The following ZNF717 variants were observed in gnomAD, a reference collection of about 807,000 sequenced individuals.
The protein encoded by ZNF717 is krueppel-like factor X17.
A neutral mutation model predicts 13.8 loss-of-function variants in ZNF717; 9 were observed. That is an observed-to-expected ratio of 0.65 (90% CI 0.39 to 1.14). The LOEUF (loss-of-function observed/expected upper bound fraction) is 1.14. Among genes scored for constraint, ZNF717 ranks in the 50% most tolerant of loss-of-function variants. ZNF717 has a pLI of 0.01. For synonymous variants in ZNF717, 327 were observed against 364.1 expected (o/e 0.90, Z 1.16); for missense variants, 1,040 against 1,080.7 (o/e 0.96, Z 0.53).
chr3:75,709,238 A>C (rs1659200393), downstream of ZNF717, among the ~76,000 whole-genome samples: 11 of 152,000 alleles, frequency 7.2e-5, no homozygotes, highest in Non-Finnish European at 2.9e-5. Flanking sequence ...GATCTCTAGT[A>C]TTCTGCCCAA....
chr3:75,763,827 G>A (rs1233244777), intron 2 of ZNF717, among the ~76,000 whole-genome samples: 7 of 152,252 alleles, frequency 4.6e-5, no homozygotes, highest in Middle Eastern at 6.3e-3. Flanking sequence ...GAAGATCAGA[G>A]TTTCCTAAAG....
chr3:75,726,365 G>C (rs1391379277), downstream of ZNF717, among the ~76,000 whole-genome samples: 9 of 152,266 alleles, frequency 5.9e-5, no homozygotes, highest in Admixed American at 2.0e-4. Flanking sequence ...GCTCATGCCT[G>C]TAATTCCAGC....
intron 5 of ZNF717, among the ~76,000 whole-genome samples, chr3:75,715,246 T>G (rs1383080500): frequency 6.6e-6 from 1 of 152,170 alleles, no homozygotes; most frequent in African/African-American, 2.4e-5. Flanking sequence ...CTCAATAAAT[T>G]GTATAAGAAA....
chr3:75,754,548 T>TA (rs376041793), intron 2 of ZNF717, among the ~76,000 whole-genome samples: 26 of 88,608 alleles, frequency 2.9e-4, no homozygotes, highest in Non-Finnish European at 5.9e-4. Flanking sequence ...AATTTAGTGA[T>TA]AAAAAATGTG....
chr3:75,765,880 G>A (rs889597977), intron 2 of ZNF717, among the ~76,000 whole-genome samples: 1 of 152,194 alleles, frequency 6.6e-6, no homozygotes. Flanking sequence ...AGGCCAAGGT[G>A]CGTAGATTGC....
chr3:75,740,723 T>TG (rs1157649807), intron 4 of ZNF717, among the ~76,000 whole-genome samples: 38 of 152,144 alleles, frequency 2.5e-4, no homozygotes, highest in Admixed American at 2.4e-3. Context: ...CCTAGCTACT[T>TG]GGGAGGCTAG....
At chr3:75,702,489 CAG>C (rs1475625607) in intron 6 of ZNF717, among the ~76,000 whole-genome samples, 6 of 33,682 alleles carry the variant, frequency 1.8e-4, no homozygotes, top group South Asian at 1.2e-3. Context: ...AGTGACGGAA[CAG>C]GGGGATAGTG....
chr3:75,768,307 G>A (rs968710303), intron 2 of ZNF717, among the ~76,000 whole-genome samples: 1 of 126,992 alleles, frequency 7.9e-6, no homozygotes, highest in Admixed American at 7.8e-5. Context: ...AGTGTGTCGG[G>A]GGGCAGATGA....
At chr3:75,735,635 TAAAAAA>T (rs149366090), downstream of ZNF717, among the ~76,000 whole-genome samples, 2 of 79,842 alleles carry the variant, frequency 2.5e-5, no homozygotes, top group Non-Finnish European at 4.5e-5. Context: ...ACTGTCTCAA[TAAAAAA>T]AAAAAAAAAA....
In ZNF717 at chr3:75,782,884, A is replaced by G. The variant is rs76420889; in HGVS notation, c.57+422T>C. Among the ~76,000 whole-genome samples the G allele has an allele frequency of 2.0e-5, 3 of 150,130 alleles. No individual in the cohort carries two copies. In the South Asian group the frequency reaches 6.4e-4, roughly 32 times the overall value. On this transcript the variant is annotated intron_variant, in intron 2 of 4. Coordinates refer to ENST00000652011, the MANE Select transcript of ZNF717 (RefSeq NM_001290208.3). ...ACTGCACAACATGCCGTGCTTTAGCAGAAGATGACCGTTTCCACTGCACAA... is the reference window on the plus strand; with the variant it reads ...ACTGCACAACATGCCGTGCTTTAGCGGAAGATGACCGTTTCCACTGCACAA...
chr3:75,716,758 T>G (rs1414359055), intron 4 of ZNF717, among the ~76,000 whole-genome samples: 1 of 152,202 alleles, frequency 6.6e-6, no homozygotes, highest in Non-Finnish European at 1.5e-5. Context: ...AGAACATCTG[T>G]GGGCTTTTGG....
chr3:75,770,575 T>A (rs530518274), intron 2 of ZNF717, among the ~76,000 whole-genome samples: 4 of 151,646 alleles, frequency 2.6e-5, no homozygotes, highest in South Asian at 2.1e-4. Context: ...GAAAAAAAAA[T>A]TGAAAATAAA....
chr3:75,696,971 T>C, intron 6 of ZNF717, among the ~76,000 whole-genome samples: 1 of 152,188 alleles, frequency 6.6e-6, no homozygotes, highest in African/African-American at 2.4e-5. Context: ...TTTGATAAAA[T>C]TTAATATTCT....
At chr3:75,781,476 C>A (rs1944816227) in intron 2 of ZNF717, among the ~76,000 whole-genome samples, 1 of 152,148 alleles carries the variant, frequency 6.6e-6, no homozygotes, top group African/African-American at 2.4e-5. Flanking sequence ...TTTAACAGAA[C>A]TAACACAGAA....
chr3:75,725,153 AC>A (rs1393344377), downstream of ZNF717, among the ~76,000 whole-genome samples: 1 of 151,424 alleles, frequency 6.6e-6, no homozygotes, highest in Non-Finnish European at 1.5e-5. Context: ...ACTCAGTGAA[AC>A]CCTCACTCTC....
intron 4 of ZNF717, 84 bp downstream of exon 4, chr3:75,741,192 A>G (rs1334196602): frequency 8.2e-5 from 67 of 812,644 alleles, no homozygotes; most frequent in Non-Finnish European, 1.3e-4. Flanking sequence ...CCTAGGGAAA[A>G]AAGTGGTGAA....
At chr3:75,740,108 T>A (rs1170460367) in intron 4 of ZNF717, among the ~76,000 whole-genome samples, 3 of 152,082 alleles carry the variant, frequency 2.0e-5, no homozygotes, top group Non-Finnish European at 4.4e-5. Flanking sequence ...CCTTCTGAGA[T>A]CCACAGCCGT....
At chr3:75,784,613 C>A (rs1212633833) in intron 1 of ZNF717, among the ~76,000 whole-genome samples, 1 of 152,114 alleles carries the variant, frequency 6.6e-6, no homozygotes, top group African/African-American at 2.4e-5. Flanking sequence ...CTTTCAGGCC[C>A]CTTCAAATAA....
intron 6 of ZNF717, among the ~76,000 whole-genome samples, chr3:75,697,923 TGAG>T (rs1199657370): frequency 1.3e-5 from 2 of 152,310 alleles, no homozygotes; most frequent in Non-Finnish European, 2.9e-5. Context: ...AAGGCTGGGC[TGAG>T]GAGGTCTCAG....
Sources: allele counts gnomAD v4.1 joint callset (sites outside exome capture counted in the v4.1 genomes callset), GRCh38; gene constraint gnomAD v4.1.1; transcripts MANE v1.5; gene names NCBI Gene and HGNC (gene_info 2026-07-23, HGNC 2026-07-21).